The following MED27 variants were observed in gnomAD, a reference collection of about 807,000 sequenced individuals.
MED27 encodes mediator complex subunit 27, also known as mediator of RNA polymerase II transcription subunit 27.
Under a neutral mutation model 38.2 loss-of-function variants are expected in MED27, and 30 were observed. The observed-to-expected ratio is 0.79, with a 90% confidence interval of 0.59 to 1.07. MED27 has a LOEUF of 1.07. MED27 is among the 50% of genes least tolerant of loss of function. MED27 has a pLI of 0.00. For missense variants in MED27, 289 were observed against 397.5 expected (o/e 0.73, Z 2.32); for synonymous variants, 122 against 153.5 (o/e 0.79, Z 1.52).
At chr9:131,916,698 G>C (rs923997692) in intron 4 of MED27, among the ~76,000 whole-genome samples, 13 of 152,138 alleles carry the variant, frequency 8.5e-5, no homozygotes, top group Admixed American at 3.3e-4. Context: ...TATGTCATGA[G>C]GTGGAACACA....
chr9:131,973,423 AGAGGC>A (rs940614290), intron 3 of MED27, among the ~76,000 whole-genome samples: 8 of 151,740 alleles, frequency 5.3e-5, no homozygotes, highest in African/African-American at 1.9e-4. Flanking sequence ...GGCTTCTGGA[AGAGGC>A]TTCCCTTTTC....
At chr9:132,006,801 AC>A (rs1334070799) in intron 3 of MED27, among the ~76,000 whole-genome samples, 2 of 151,712 alleles carry the variant, frequency 1.3e-5, no homozygotes, top group Admixed American at 6.6e-5. Context: ...AATGACGATC[AC>A]CCCCCCTTCA....
intron 4 of MED27, among the ~76,000 whole-genome samples, chr9:131,906,084 T>C (rs769603061): frequency 4.0e-4 from 61 of 152,172 alleles, no homozygotes; most frequent in Admixed American, 7.9e-4. Flanking sequence ...TATCTACATG[T>C]GAAAAAATGA....
intron 3 of MED27, among the ~76,000 whole-genome samples, chr9:132,000,733 A>G (rs892928123): frequency 6.6e-6 from 1 of 151,970 alleles, no homozygotes; most frequent in Non-Finnish European, 1.5e-5. Flanking sequence ...TGAGTAGAAA[A>G]GTCAGATTTT....
chr9:132,034,208 A>G (rs1564333482), intron 2 of MED27, among the ~76,000 whole-genome samples: 1 of 152,208 alleles, frequency 6.6e-6, no homozygotes, highest in Admixed American at 6.5e-5. Context: ...AAGGCATAAC[A>G]TATCATTAGG....
intron 4 of MED27, among the ~76,000 whole-genome samples, chr9:131,918,254 T>G (rs1830328699): frequency 6.6e-6 from 1 of 152,172 alleles, no homozygotes; most frequent in Non-Finnish European, 1.5e-5. Flanking sequence ...TTGGGCACAT[T>G]AGCATTTTTG....
rs371951837 is a variant in MED27 at position 131,908,364 on chromosome 9, G to A, written c.574-14372C>T. Among the ~76,000 whole-genome samples the A allele has an allele frequency of 1.3e-4, 20 of 152,324 alleles. No individual in the cohort carries two copies. In the East Asian group the frequency reaches 3.9e-3, roughly 29 times the overall value. ...AGCCCCTCTGCCCGGCCACCACCCC[G>A]TCTGGGAGGTGTACCCAACAGCTCA... On this transcript the variant is annotated intron_variant, in intron 4 of 7. Transcript: ENST00000292035.
chr9:131,966,117 C>G (rs1831335397), intron 3 of MED27, among the ~76,000 whole-genome samples: 1 of 140,642 alleles, frequency 7.1e-6, no homozygotes, highest in South Asian at 2.5e-4. Context: ...AATTCCAGCA[C>G]TTTGAAAGGC....
chr9:131,893,824 C>G, intron 5 of MED27, 61 bp downstream of exon 5: 1 of 1,193,930 alleles, frequency 8.4e-7, no homozygotes, highest in African/African-American at 1.5e-5. Context: ...ATCTGGAATT[C>G]GACTACACTT....
intron 3 of MED27, among the ~76,000 whole-genome samples, chr9:131,941,817 AT>A (rs766438800): frequency 0.03 from 2,493 of 82,386 alleles, 21 homozygotes; most frequent in African/African-American, 0.048. Context: ...ATTCTGCTGA[AT>A]TTTTTTTTTT....
intron 3 of MED27, among the ~76,000 whole-genome samples, chr9:131,979,465 A>G (rs1831683104): frequency 7.0e-6 from 1 of 143,100 alleles, no homozygotes; most frequent in African/African-American, 2.6e-5. Flanking sequence ...ATTTGCTACT[A>G]AATATTAAAA....
At chr9:131,941,303 G>T (rs995553658) in intron 3 of MED27, among the ~76,000 whole-genome samples, 2 of 152,184 alleles carry the variant, frequency 1.3e-5, no homozygotes, top group African/African-American at 4.8e-5. Context: ...TTCTCTTGGG[G>T]TAAGAGGGAG....
chr9:132,002,998 CA>C (rs1051201357), intron 3 of MED27, among the ~76,000 whole-genome samples: 2 of 148,386 alleles, frequency 1.3e-5, no homozygotes, highest in Non-Finnish European at 3.0e-5. Flanking sequence ...AGATCTGAAA[CA>C]AAAGAGTTTC....
chr9:132,015,740 C>T (rs1343353820), intron 2 of MED27, among the ~76,000 whole-genome samples: 2 of 152,172 alleles, frequency 1.3e-5, no homozygotes, highest in African/African-American at 4.8e-5. Flanking sequence ...CTTTTAGCTT[C>T]CCTTTCTAAT....
At chr9:131,908,614 A>G (rs1202237078) in intron 4 of MED27, among the ~76,000 whole-genome samples, 2 of 152,136 alleles carry the variant, frequency 1.3e-5, no homozygotes, top group Admixed American at 1.3e-4. Context: ...TGCTGTGTCC[A>G]CTCAGGGTTA....
intron 3 of MED27, among the ~76,000 whole-genome samples, chr9:131,959,310 A>T (rs984600696): frequency 1.7e-4 from 26 of 152,276 alleles, no homozygotes; most frequent in Non-Finnish European, 3.2e-4. Context: ...TGTACAACAC[A>T]CATGTATACC....
chr9:131,882,007 G>A (rs1368972138), intron 6 of MED27, among the ~76,000 whole-genome samples: 1 of 151,698 alleles, frequency 6.6e-6, no homozygotes, highest in Non-Finnish European at 1.5e-5. Flanking sequence ...ACCCACCTGA[G>A]CCTCCCAAAG....
rs1830228950 is a variant in MED27 at position 131,913,538 on chromosome 9, G to T, written c.574-19546C>A. On this transcript the variant is annotated intron_variant, in intron 4 of 7. Coordinates refer to ENST00000292035, the MANE Select transcript of MED27 (RefSeq NM_004269.4). This position sits in a 1 kb window ranked among gnomAD's most constrained non-coding sequence, Gnocchi z 4.5. ...ATCAGAATAATATTCACAGTGGCAGGGGCATACTCTTCTAGGATCAAAAGG... is the reference window on the plus strand; with the variant it reads ...ATCAGAATAATATTCACAGTGGCAGTGGCATACTCTTCTAGGATCAAAAGG... 6.6e-6 allele frequency among the ~76,000 whole-genome samples: 1 copy of T among 152,132 alleles called. No individual in the cohort carries two copies. The highest frequency in any genetic ancestry group is 2.4e-5 in the African/African-American group (1 of 41,416).
intron 3 of MED27, among the ~76,000 whole-genome samples, chr9:131,979,301 T>C (rs934334896): frequency 1.3e-5 from 2 of 152,118 alleles, no homozygotes; most frequent in Non-Finnish European, 2.9e-5. Context: ...GCACAACCAA[T>C]GAATGAAATC....
Sources: allele counts gnomAD v4.1 joint callset (sites outside exome capture counted in the v4.1 genomes callset), GRCh38; gene constraint gnomAD v4.1.1; non-coding constraint Gnocchi (gnomAD v3.1); transcripts MANE v1.5; gene names NCBI Gene and HGNC (gene_info 2026-07-23, HGNC 2026-07-21).